Variants in AGPAT3 observed in about 807,000 individuals in gnomAD.
AGPAT3 encodes 1-acylglycerol-3-phosphate O-acyltransferase 3.
In AGPAT3, 5 loss-of-function variants were observed where a neutral mutation model predicts 47.3. The ratio of observed to expected loss-of-function variants is 0.11; its 90% confidence interval spans 0.06 to 0.22. AGPAT3 has a LOEUF of 0.22. Among genes scored for constraint, AGPAT3 ranks in the 10% least tolerant of loss-of-function variants. AGPAT3 has a pLI of 1.00. For missense variants in AGPAT3, 315 were observed against 493.0 expected, an observed-to-expected ratio of 0.64 and a Z score of 3.42; for synonymous variants, 212 against 208.3, an observed-to-expected ratio of 1.02 and a Z score of -0.15.
intron 7 of AGPAT3, among the ~76,000 whole-genome samples, chr21:43,975,105 T>G (rs2089556858): frequency 6.6e-6 from 1 of 151,906 alleles, no homozygotes; most frequent in African/African-American, 2.4e-5. Context: ...CATGTGCCAG[T>G]GTGTGCACTG....
In AGPAT3 at chr21:43,920,272, A is replaced by G. The variant is rs114433733; in HGVS notation, c.-49+16253A>G. ...GTGTAAGGGTGTGTGTAAAGCGTGAATGTGTCAGTGTGAGAGTGTGTGTGT... is the reference window on the plus strand; with the variant it reads ...GTGTAAGGGTGTGTGTAAAGCGTGAGTGTGTCAGTGTGAGAGTGTGTGTGT... On this transcript the variant is annotated intron_variant, in intron 2 of 9. Coordinates refer to ENST00000291572, the MANE Select transcript of AGPAT3 (RefSeq NM_020132.5). The surrounding 1 kb of genome is among the most constrained non-coding windows in gnomAD (Gnocchi z 6.1). Among the ~76,000 whole-genome samples, 454 of 151,848 alleles carry G rather than the reference A, an allele frequency of 3.0e-3. 1 individual carries two copies. Among genetic ancestry groups the G allele is most frequent in the African/African-American group, 0.011 (437 of 41,406 alleles).
At chr21:43,909,292 A>T (rs145974163) in intron 2 of AGPAT3, among the ~76,000 whole-genome samples, 6 of 102,306 alleles carry the variant, frequency 5.9e-5, no homozygotes, top group African/African-American at 1.1e-4. Flanking sequence ...TTTCATACAC[A>T]TTTTTTTTTT....
At chr21:43,914,506 A>T (rs1367052753) in intron 2 of AGPAT3, among the ~76,000 whole-genome samples, 6 of 152,074 alleles carry the variant, frequency 3.9e-5, no homozygotes, top group Non-Finnish European at 7.4e-5. Context: ...AAAATTTTTT[A>T]AAATATGAGA....
At position 43,939,661 on chromosome 21, in the gene AGPAT3, C is replaced by T. The variant is rs931218642; in HGVS notation, c.-48-19973C>T. On this transcript the variant is annotated intron_variant, in intron 2 of 9. Transcript: ENST00000291572. The surrounding 1 kb of genome is among the most constrained non-coding windows in gnomAD (Gnocchi z 4.4). ...CCACAGCCATGCCCCACATGCAGGA[C>T]GTTTGCCTATCACTTGGAGGCCTTT... 6.6e-6 allele frequency among the ~76,000 whole-genome samples: 1 copy of T among 152,172 alleles called. No homozygotes were observed. The highest frequency in any genetic ancestry group is 1.9e-4 in the East Asian group (1 of 5,192).
At chr21:43,909,905 G>A (rs2086592971) in intron 2 of AGPAT3, among the ~76,000 whole-genome samples, 1 of 152,170 alleles carries the variant, frequency 6.6e-6, no homozygotes, top group Non-Finnish European at 1.5e-5. Flanking sequence ...GGGGGCCCAG[G>A]CCTCATCATG....
At position 43,934,671 on chromosome 21, in the gene AGPAT3, C is replaced by T. The variant is rs1224366721; in HGVS notation, c.-48-24963C>T. The stretch of plus-strand genomic sequence containing the variant: ...CAAGCCCTGGTCGTGAGCAGGATGA[C>T]ATTCAGATAGCTGGGAGCACGAGGA... On this transcript the variant is annotated intron_variant, in intron 2 of 9. Transcript: ENST00000291572. This position sits in a 1 kb window ranked among gnomAD's most constrained non-coding sequence, Gnocchi z 4.7. Among the ~76,000 whole-genome samples, 1 of 152,124 alleles carries T rather than the reference C, an allele frequency of 6.6e-6. No homozygotes were observed. The highest frequency in any genetic ancestry group is 1.5e-5 in the Non-Finnish European group (1 of 68,018).
intron 1 of AGPAT3, among the ~76,000 whole-genome samples, chr21:43,892,299 C>T (rs1227394324): frequency 6.7e-6 from 1 of 148,690 alleles, no homozygotes; most frequent in African/African-American, 2.6e-5. Context: ...AAGAGCAAAA[C>T]TCTGTCTCAA....
chr21:43,975,235 T>C (rs2089563036), intron 7 of AGPAT3, among the ~76,000 whole-genome samples: 1 of 135,628 alleles, frequency 7.4e-6, no homozygotes, highest in South Asian at 2.5e-4. Flanking sequence ...GTGGTAATGT[T>C]TTGGTGTGTG....
At chr21:43,912,196 C>T (rs1601287025) in intron 2 of AGPAT3, among the ~76,000 whole-genome samples, 1 of 152,256 alleles carries the variant, frequency 6.6e-6, no homozygotes, top group Non-Finnish European at 1.5e-5. Flanking sequence ...CTGGATGGGA[C>T]CACTGTGTGC....
Position 43,952,305 on chromosome 21 carries a change from A to T in AGPAT3, c.-48-7329A>T, listed in dbSNP as rs2088236068. On this transcript the variant is annotated intron_variant, in intron 2 of 9. Coordinates refer to ENST00000291572, the MANE Select transcript of AGPAT3 (RefSeq NM_020132.5). This position sits in a 1 kb window ranked among gnomAD's most constrained non-coding sequence, Gnocchi z 5.6. Reference sequence around the variant, plus strand: ...ATAAGGACACCGGTCAGATGGAATCAGCGCCCACCCTGATGATATCATTTA... The same window carrying T: ...ATAAGGACACCGGTCAGATGGAATCTGCGCCCACCCTGATGATATCATTTA... 6.6e-6 allele frequency among the ~76,000 whole-genome samples: 1 copy of T among 152,192 alleles called. No individual in the cohort carries two copies. Among genetic ancestry groups the T allele is most frequent in the Admixed American group, 6.5e-5 (1 of 15,282 alleles).
Position 43,985,511 on chromosome 21 carries a change from CG to C in AGPAT3, c.*3121del. 6.5e-6 allele frequency: 2 copies of C among 307,032 alleles called. No individual in the cohort carries two copies. The highest frequency in any genetic ancestry group is 1.3e-5 in the Non-Finnish European group (2 of 157,798). 19.0% of individuals were successfully genotyped at this position (307,032 alleles called of 1,614,324 possible). On this transcript the variant is annotated 3_prime_UTR_variant, in exon 10 of 10. Transcript: ENST00000291572. ...GAATCTTTCCTCACGCTGTTCGTTG[CG>C]GTATTGCTGAGCATTGATGTTGATT... is the stretch of plus-strand genomic sequence containing the variant.
intron 2 of AGPAT3, among the ~76,000 whole-genome samples, chr21:43,947,547 C>CG (rs1255934734): frequency 6.6e-6 from 1 of 152,164 alleles, no homozygotes; most frequent in Non-Finnish European, 1.5e-5. Flanking sequence ...CAGTGTCTGT[C>CG]GGGGCCTTGA....
At chr21:43,971,795 C>T (rs541608756) in intron 7 of AGPAT3, among the ~76,000 whole-genome samples, 7 of 152,330 alleles carry the variant, frequency 4.6e-5, no homozygotes, top group African/African-American at 7.2e-5. Flanking sequence ...ACCTGGCTTT[C>T]GAGGCCACCT....
intron 2 of AGPAT3, among the ~76,000 whole-genome samples, chr21:43,957,806 C>T (rs1037058177): frequency 6.6e-6 from 1 of 152,054 alleles, no homozygotes; most frequent in African/African-American, 2.4e-5. Flanking sequence ...GGGTTTTCCC[C>T]TCCACACTGG....
intron 2 of AGPAT3, among the ~76,000 whole-genome samples, chr21:43,953,390 C>T (rs776123693): frequency 1.3e-5 from 2 of 152,276 alleles, no homozygotes; most frequent in Non-Finnish European, 2.9e-5. Flanking sequence ...TGTCCTGATT[C>T]GTAGGAGATG....
chr21:43,896,849 A>G (rs1448511604), intron 1 of AGPAT3, among the ~76,000 whole-genome samples: 3 of 115,100 alleles, frequency 2.6e-5, no homozygotes, highest in Admixed American at 1.8e-4. Flanking sequence ...TTATTTTTTT[A>G]TTTTTAATTT....
chr21:43,909,357 G>A (rs576528405), intron 2 of AGPAT3, among the ~76,000 whole-genome samples: 33 of 148,700 alleles, frequency 2.2e-4, no homozygotes, highest in African/African-American at 7.7e-4. Flanking sequence ...GTGTGGTGGC[G>A]TGATCTCGGC....
At chr21:43,904,649 G>T (rs117010579) in intron 2 of AGPAT3, among the ~76,000 whole-genome samples, 2 of 152,316 alleles carry the variant, frequency 1.3e-5, no homozygotes, top group East Asian at 3.9e-4. Flanking sequence ...GGTGGGCCCA[G>T]GGTTGGGGCA....
intron 2 of AGPAT3, among the ~76,000 whole-genome samples, chr21:43,928,041 C>T (rs888339397): frequency 4.6e-5 from 7 of 152,236 alleles, no homozygotes; most frequent in South Asian, 4.1e-4. Context: ...GCAGGGCTGA[C>T]GTGGCACCTG....
Sources: gnomAD v4.1 joint callset for allele counts (sites outside exome capture counted in the v4.1 genomes callset) on GRCh38, gnomAD v4.1.1 for gene constraint, Gnocchi (gnomAD v3.1) non-coding constraint, MANE v1.5 for transcripts, NCBI Gene and HGNC (gene_info 2026-07-23, HGNC 2026-07-21) for gene names.